The following ADARB2 variants were observed in gnomAD, a reference collection of about 807,000 sequenced individuals.
The protein encoded by ADARB2 is inactive double-stranded RNA-specific editase B2.
ADARB2 carries 25 observed loss-of-function variants against 62.2 expected under a neutral mutation model. The observed-to-expected ratio is 0.40, with a 90% CI of 0.29 to 0.56. ADARB2 has a LOEUF of 0.56. ADARB2 is among the 20% of genes least tolerant of loss of function. ADARB2 has a pLI of 0.43. For synonymous variants in ADARB2, 572 were observed against 500.8 expected (o/e 1.14, Z -1.90); for missense variants, 1,071 against 1,077.4 (o/e 0.99, Z 0.08).
chr10:1,306,829 G>C (rs7911408), intron 3 of ADARB2, among the ~76,000 whole-genome samples: 2,930 of 151,534 alleles, frequency 0.019, 87 homozygotes, highest in African/African-American at 0.066. Flanking sequence ...CAGGCAATGG[G>C]GAAAGGATTC....
At chr10:1,527,605 A>G (rs1832164989) in intron 1 of ADARB2, among the ~76,000 whole-genome samples, 2 of 152,252 alleles carry the variant, frequency 1.3e-5, no homozygotes, top group Admixed American at 1.3e-4. Context: ...TGCTGTAAAA[A>G]GACTTGATAT....
At chr10:1,350,057 G>T (rs74733235) in intron 3 of ADARB2, among the ~76,000 whole-genome samples, 1 of 151,756 alleles carries the variant, frequency 6.6e-6, no homozygotes, top group African/African-American at 2.4e-5. Context: ...TTCAACTCTC[G>T]CCTGACCTAA....
Position 1,477,698 on chromosome 10 carries a change from C to T in ADARB2, c.101-98538G>A, listed in dbSNP as rs770150494. Among the ~76,000 whole-genome samples, 13 of 152,160 alleles carry T rather than the reference C, an allele frequency of 8.5e-5. No homozygotes were observed. Among genetic ancestry groups the T allele is most frequent in the Non-Finnish European group, 1.6e-4 (11 of 68,036 alleles). On this transcript the variant is annotated intron_variant, in intron 1 of 9. Coordinates refer to ENST00000381312, the MANE Select transcript of ADARB2 (RefSeq NM_018702.4). This position sits in a 1 kb window ranked among gnomAD's most constrained non-coding sequence, Gnocchi z 4.5. ...TGTGCGCCTCTTTCCAGACGATAGGCGGGGTGCTTAATTTTCAGAGAATGC... is the reference window on the plus strand; with the variant it reads ...TGTGCGCCTCTTTCCAGACGATAGGTGGGGTGCTTAATTTTCAGAGAATGC...
chr10:1,509,128 C>G (rs115588607), intron 1 of ADARB2, among the ~76,000 whole-genome samples: 1 of 152,098 alleles, frequency 6.6e-6, no homozygotes, highest in African/African-American at 2.4e-5. Flanking sequence ...CGTGCCATGC[C>G]CTCGGTGATT....
At chr10:1,580,237 G>C (rs950133623) in intron 1 of ADARB2, among the ~76,000 whole-genome samples, 6 of 152,164 alleles carry the variant, frequency 3.9e-5, no homozygotes, top group African/African-American at 1.4e-4. Flanking sequence ...CAAAGTGGCT[G>C]ATAGATGGTT....
intron 1 of ADARB2, among the ~76,000 whole-genome samples, chr10:1,579,546 G>T (rs1460782520): frequency 1.3e-5 from 2 of 152,196 alleles, no homozygotes; most frequent in African/African-American, 4.8e-5. Flanking sequence ...TGACAGTCAA[G>T]GGGTGGAAGG....
At chr10:1,427,747 A>G (rs1258802546) in intron 1 of ADARB2, among the ~76,000 whole-genome samples, 1 of 152,230 alleles carries the variant, frequency 6.6e-6, no homozygotes, top group African/African-American at 2.4e-5. Context: ...AGGAATGGAA[A>G]TTTATGTTTG....
intron 1 of ADARB2, chr10:1,556,522 C>T (rs564559965): frequency 1.6e-5 from 6 of 377,422 alleles, no homozygotes; most frequent in African/African-American, 4.2e-5. Flanking sequence ...GCTGTGCATT[C>T]GAATCACCTG....
At chr10:1,206,862 C>T (rs1173354398) in intron 7 of ADARB2, among the ~76,000 whole-genome samples, 1 of 152,238 alleles carries the variant, frequency 6.6e-6, no homozygotes, top group Non-Finnish European at 1.5e-5. Flanking sequence ...CCTCTGCCGT[C>T]TCCACAGCAT....
intron 3 of ADARB2, among the ~76,000 whole-genome samples, chr10:1,278,587 A>T (rs983899489): frequency 6.6e-6 from 1 of 150,700 alleles, no homozygotes; most frequent in African/African-American, 2.5e-5. Context: ...AGCTGCAAAG[A>T]ACATGATTTC....
chr10:1,276,141 T>C (rs1251934295), intron 3 of ADARB2, among the ~76,000 whole-genome samples: 1 of 151,886 alleles, frequency 6.6e-6, no homozygotes. Context: ...AAAGTGTTCC[T>C]ATTTCTCCAC....
chr10:1,653,016 A>T (rs1834130201), intron 1 of ADARB2, among the ~76,000 whole-genome samples: 1 of 152,198 alleles, frequency 6.6e-6, no homozygotes, highest in South Asian at 2.1e-4. Context: ...TGGGATCCTG[A>T]TGACAACCAT....
intron 1 of ADARB2, among the ~76,000 whole-genome samples, chr10:1,508,890 CG>C (rs1294415156): frequency 6.6e-6 from 1 of 152,214 alleles, no homozygotes; most frequent in Non-Finnish European, 1.5e-5. Context: ...AAAGCCCAGC[CG>C]TGAACCCAGG....
In ADARB2 at chr10:1,637,379, A is replaced by G. The variant is rs951839426; in HGVS notation, c.100+99672T>C. Reference sequence around the variant, plus strand: ...TGATTAGAGCTATAATCACATAGCAATCCCCAAATCTTGATTACTGGTGGA... The same window carrying G: ...TGATTAGAGCTATAATCACATAGCAGTCCCCAAATCTTGATTACTGGTGGA... On this transcript the variant is annotated intron_variant, in intron 1 of 9. Transcript: ENST00000381312. Among the ~76,000 whole-genome samples, 4 of 152,206 alleles carry G rather than the reference A, an allele frequency of 2.6e-5. No homozygotes were observed. In the East Asian group the frequency reaches 7.7e-4, roughly 29 times the overall value.
rs1831075029 is a variant in ADARB2, at chr10:1,255,845, G to A, written c.1193-13546C>T. Among the ~76,000 whole-genome samples, 1 of 152,198 alleles carries A rather than the reference G, an allele frequency of 6.6e-6. No homozygotes were observed. Among genetic ancestry groups the A allele is most frequent in the Admixed American group, 6.5e-5 (1 of 15,284 alleles). ...ACACTATAGCCCCATCAGCGGGCAG[G>A]ACAAGTTGGGCCCTGACACAGGCAG... On this transcript the variant is annotated intron_variant, in intron 4 of 9. Coordinates refer to ENST00000381312, the MANE Select transcript of ADARB2 (RefSeq NM_018702.4). The surrounding 1 kb of genome is among the most constrained non-coding windows in gnomAD (Gnocchi z 4.7).
At chr10:1,394,771 C>A (rs1469328104) in intron 1 of ADARB2, 1 of 448,990 alleles carries the variant, frequency 2.2e-6, no homozygotes, top group African/African-American at 2.0e-5. Flanking sequence ...GACTTGCATT[C>A]TGCAAAGACC....
intron 1 of ADARB2, among the ~76,000 whole-genome samples, chr10:1,678,740 A>G (rs1462805450): frequency 6.6e-6 from 1 of 152,050 alleles, no homozygotes; most frequent in African/African-American, 2.4e-5. Flanking sequence ...CCCGAGGTGC[A>G]GCTGGGCAGT....
rs1410703612 is a variant in ADARB2, at chr10:1,363,849, C to T, written c.256G>A (p.Gly86Arg). 1 of 1,537,774 alleles carries T rather than the reference C, an allele frequency of 6.5e-7. No individual in the cohort carries two copies. The highest frequency in any genetic ancestry group is 8.7e-7 in the Non-Finnish European group (1 of 1,150,722). Residue 86 changes from glycine (G) to arginine (R), a missense_variant, in exon 3 of 10, where the codon GGG becomes AGG. Coordinates refer to ENST00000381312, the MANE Select transcript of ADARB2 (RefSeq NM_018702.4). ...GGCGCGCCGCCCCGGGCCCGGTCCC[C>T]GGAGGGCGGTGGCCGCGCGGCCAGG... The part of the protein sequence containing the change: ...GNLAARPPPS[G>R]DRARGGAPGA...
intron 1 of ADARB2, among the ~76,000 whole-genome samples, chr10:1,663,873 C>A (rs767560977): frequency 2.6e-5 from 4 of 152,224 alleles, no homozygotes; most frequent in Non-Finnish European, 5.9e-5. Context: ...TTGCCTCGGA[C>A]TCCCAAAGTG....
Sources: gnomAD v4.1 joint callset for allele counts (sites outside exome capture counted in the v4.1 genomes callset) on GRCh38, gnomAD v4.1.1 for gene constraint, Gnocchi (gnomAD v3.1) non-coding constraint, MANE v1.5 for transcripts, NCBI Gene and HGNC (gene_info 2026-07-23, HGNC 2026-07-21) for gene names.